Variants in CRPPA observed in about 807,000 individuals in gnomAD.
CRPPA encodes the protein CDP-L-ribitol pyrophosphorylase A, also known as D-ribitol-5-phosphate cytidylyltransferase.
In CRPPA, 43 loss-of-function variants were observed where a neutral mutation model predicts 52.0. The observed-to-expected ratio is 0.83, with a 90% confidence interval of 0.65 to 1.07. CRPPA has a LOEUF of 1.07. Ranked by LOEUF, CRPPA falls within the 50% of genes least tolerant of loss-of-function variation. The pLI, the probability that CRPPA is intolerant of heterozygous loss-of-function variation, is 0.00. For missense variants in CRPPA, 629 were observed against 551.7 expected (o/e 1.14, Z -1.40); for synonymous variants, 250 against 203.5 (o/e 1.23, Z -1.94).
At chr7:16,136,733 G>A (rs980521234) in intron 9 of CRPPA, among the ~76,000 whole-genome samples, 1 of 152,174 alleles carries the variant, frequency 6.6e-6, no homozygotes, top group Non-Finnish European at 1.5e-5. Context: ...GAGAAAGAAG[G>A]TGCCCACTGT....
chr7:16,115,177 T>C (rs1782345853), intron 9 of CRPPA, among the ~76,000 whole-genome samples: 1 of 152,064 alleles, frequency 6.6e-6, no homozygotes, highest in Non-Finnish European at 1.5e-5. Context: ...CTAACTAAAT[T>C]TGGAAATTAG....
At chr7:16,350,451 A>G (rs1786119081) in intron 3 of CRPPA, among the ~76,000 whole-genome samples, 1 of 152,156 alleles carries the variant, frequency 6.6e-6, no homozygotes. Context: ...AAGGACTACA[A>G]ATATTAAAAA....
intron 9 of CRPPA, among the ~76,000 whole-genome samples, chr7:16,157,185 T>C (rs1015150979): frequency 1.2e-4 from 8 of 69,230 alleles, no homozygotes; most frequent in African/African-American, 2.5e-4. Flanking sequence ...ATGCTGCAAT[T>C]TTTTTTTTTT....
Position 16,308,507 on chromosome 7 carries a change from G to A in CRPPA, c.789+16C>T. ...AAGCACAGAAAAGAACCCAAGCAAG[G>A]TATCATCCCTCTTACCTTCCAGAGG... On this transcript the variant is annotated intron_variant, in intron 4 of 9. Coordinates refer to ENST00000407010, the MANE Select transcript of CRPPA (RefSeq NM_001101426.4). The A allele has an allele frequency of 7.1e-7, 1 of 1,416,698 alleles. No homozygotes were observed. Among genetic ancestry groups the A allele is most frequent in the African/African-American group, 1.4e-5 (1 of 70,972 alleles). 87.8% of individuals were successfully genotyped at this position (1,416,698 alleles called of 1,614,324 possible).
At chr7:16,162,540 G>A (rs1381606495) in intron 9 of CRPPA, among the ~76,000 whole-genome samples, 1 of 152,170 alleles carries the variant, frequency 6.6e-6, no homozygotes, top group African/African-American at 2.4e-5. Context: ...TGGTCTGAGA[G>A]ATTGTTTGTT....
chr7:16,397,867 G>A (rs954656255), intron 2 of CRPPA, among the ~76,000 whole-genome samples: 3 of 152,210 alleles, frequency 2.0e-5, no homozygotes, highest in Admixed American at 6.5e-5. Flanking sequence ...TGATCAACAC[G>A]TGTGTAACAC....
At position 16,166,862 on chromosome 7, in the gene CRPPA, C is replaced by T. The variant is rs563407253; in HGVS notation, c.1251+49204G>A. 1.2e-4 allele frequency among the ~76,000 whole-genome samples: 18 copies of T among 152,210 alleles called. No homozygotes were observed. In the East Asian group the frequency reaches 3.3e-3, roughly 28 times the overall value. ...TGCCCTTCTTCTTGCTTTCTTCCTACATAACAATACCATCCTAAGCTTGTG... is the reference window on the plus strand; with the variant it reads ...TGCCCTTCTTCTTGCTTTCTTCCTATATAACAATACCATCCTAAGCTTGTG... On this transcript the variant is annotated intron_variant, in intron 9 of 9. Coordinates refer to ENST00000407010, the MANE Select transcript of CRPPA (RefSeq NM_001101426.4).
rs1350825073 is a variant in CRPPA at position 16,342,794 on chromosome 7, T to TAGATAGATAGATAGATAG, written c.684+33297_684+33298insCTATCTATCTATCTATCT. Among the ~76,000 whole-genome samples the TAGATAGATAGATAGATAG allele has an allele frequency of 6.4e-5, 4 of 62,760 alleles. 1 individual carries two copies. The highest frequency in any genetic ancestry group is 2.6e-4 in the African/African-American group (4 of 15,358). 41.2% of individuals were successfully genotyped at this position (62,760 alleles called of 152,430 possible). On this transcript the variant is annotated intron_variant, in intron 3 of 9. Transcript: ENST00000407010. The stretch of plus-strand genomic sequence containing the variant: ...AAAAAAAAAAAAAAATATATATATA[T>TAGATAGATAGATAGATAG]ATATCTATATAGATATATAGATATA...
chr7:16,303,353 T>C (rs549851315), intron 4 of CRPPA, among the ~76,000 whole-genome samples: 2 of 151,914 alleles, frequency 1.3e-5, no homozygotes, highest in Non-Finnish European at 2.9e-5. Flanking sequence ...AATCTAGTAG[T>C]TAGCTAATCT....
intron 2 of CRPPA, among the ~76,000 whole-genome samples, chr7:16,397,422 T>C (rs1190968618): frequency 6.6e-6 from 1 of 152,206 alleles, no homozygotes; most frequent in Non-Finnish European, 1.5e-5. Flanking sequence ...GACACGTGAC[T>C]GACACGTGTA....
At chr7:16,247,168 T>G (rs988703265) in intron 8 of CRPPA, among the ~76,000 whole-genome samples, 1 of 152,244 alleles carries the variant, frequency 6.6e-6, no homozygotes, top group African/African-American at 2.4e-5. Context: ...ATTCTGTCTT[T>G]TTAAACCACA....
intron 3 of CRPPA, among the ~76,000 whole-genome samples, chr7:16,312,429 A>G (rs1352286682): frequency 6.6e-6 from 1 of 151,984 alleles, no homozygotes; most frequent in African/African-American, 2.4e-5. Flanking sequence ...GCTGGTACAA[A>G]CGAAAGCAAT....
chr7:16,091,838 A>G (rs749946372), intron 9 of CRPPA, 39 bp from the exon 10 acceptor site: 6 of 1,198,388 alleles, frequency 5.0e-6, no homozygotes, highest in South Asian at 1.6e-5. Context: ...TTTAGAAAAA[A>G]CATATGCCAT....
At chr7:16,302,213 G>A (rs941654795) in intron 4 of CRPPA, among the ~76,000 whole-genome samples, 1 of 143,562 alleles carries the variant, frequency 7.0e-6, no homozygotes, top group Non-Finnish European at 1.5e-5. Flanking sequence ...GGAGAATGGC[G>A]TGAACCCGGG....
At chr7:16,241,971 T>TTTTTG (rs1783123848) in intron 8 of CRPPA, among the ~76,000 whole-genome samples, 1 of 86,160 alleles carries the variant, frequency 1.2e-5, no homozygotes, top group Admixed American at 1.5e-4. Flanking sequence ...TTTTTTTTGT[T>TTTTTG]GGGGGGAGAT....
At chr7:16,393,383 G>A (rs539054814) in intron 2 of CRPPA, among the ~76,000 whole-genome samples, 3 of 152,178 alleles carry the variant, frequency 2.0e-5, no homozygotes, top group East Asian at 1.9e-4. Flanking sequence ...GACTAAGACA[G>A]GGTACGAAAA....
At chr7:16,329,992 T>G (rs1169304501) in intron 3 of CRPPA, among the ~76,000 whole-genome samples, 1 of 152,208 alleles carries the variant, frequency 6.6e-6, no homozygotes, top group Non-Finnish European at 1.5e-5. Flanking sequence ...TCTAAGTAAC[T>G]GAGAATCAGG....
chr7:16,308,763 G>A (rs987501051), intron 3 of CRPPA, 136 bp from the exon 4 acceptor site: 9 of 616,924 alleles, frequency 1.5e-5, no homozygotes, highest in African/African-American at 7.4e-5. Flanking sequence ...TACTGACTGA[G>A]TTATAACATC....
Position 16,117,788 on chromosome 7 carries a change from T to A in CRPPA, c.1252-25989A>T, listed in dbSNP as rs540536700. ...CACGTGTTTGACCAGAATCCATTCA[T>A]GCTGCAGTTACTCAGGTTACTATTG... On this transcript the variant is annotated intron_variant, in intron 9 of 9. Coordinates refer to ENST00000407010, the MANE Select transcript of CRPPA (RefSeq NM_001101426.4). Among the ~76,000 whole-genome samples the A allele has an allele frequency of 1.2e-4, 19 of 152,340 alleles. No homozygotes were observed. The South Asian group carries it at 3.7e-3, about 30-fold the overall frequency.
Sources: allele counts gnomAD v4.1 joint callset (sites outside exome capture counted in the v4.1 genomes callset), GRCh38; gene constraint gnomAD v4.1.1; transcripts MANE v1.5; gene names NCBI Gene and HGNC (gene_info 2026-07-23, HGNC 2026-07-21).